Variants in CALN1 observed in about 807,000 individuals in gnomAD.
The protein encoded by CALN1 is calneuron 1, also known as calcium-binding protein 8.
A neutral mutation model predicts 30.6 loss-of-function variants in CALN1; 17 were observed. The observed-to-expected ratio is 0.56, with a 90% CI of 0.38 to 0.83. The LOEUF (loss-of-function observed/expected upper bound fraction) is 0.83, where lower values mean the gene tolerates loss of function less well. CALN1 is among the 40% of genes least tolerant of loss of function. The pLI is 0.00. For missense variants in CALN1, 291 were observed against 354.9 expected (o/e 0.82, Z 1.45); for synonymous variants, 156 against 131.4 (o/e 1.19, Z -1.28).
intron 1 of CALN1, among the ~76,000 whole-genome samples, chr7:72,430,174 T>C (rs1363788883): frequency 6.7e-6 from 1 of 149,036 alleles, no homozygotes; most frequent in Non-Finnish European, 1.5e-5. Context: ...TATATAATCG[T>C]ATATTTATAC....
intron 2 of CALN1, among the ~76,000 whole-genome samples, chr7:72,390,220 G>A (rs1043515284): frequency 6.6e-6 from 1 of 151,986 alleles, no homozygotes; most frequent in Non-Finnish European, 1.5e-5. Context: ...CATGAGGTCA[G>A]GAGTCCCAGA....
At chr7:72,467,645 G>A in the CALN1 span, among the ~76,000 whole-genome samples, 5 of 152,138 alleles carry the variant, frequency 3.3e-5, no homozygotes, top group South Asian at 1.0e-3. Context: ...CCATAGCCCC[G>A]ACCCAACCCC....
intron 5 of CALN1, among the ~76,000 whole-genome samples, chr7:71,879,601 G>C (rs1487664617): frequency 6.6e-6 from 1 of 152,190 alleles, no homozygotes; most frequent in Non-Finnish European, 1.5e-5. Context: ...CTGTCTGGCA[G>C]ACCAGTTTTT....
chr7:72,104,291 T>C (rs1418511547), intron 4 of CALN1: 2 of 152,186 alleles, frequency 1.3e-5, no homozygotes, highest in Non-Finnish European at 2.9e-5. Flanking sequence ...TCAGACAACG[T>C]AGAAAAGTGG....
At chr7:72,113,507 AGACTATGACAG>A (rs1331581473) in intron 3 of CALN1, among the ~76,000 whole-genome samples, 2 of 152,244 alleles carry the variant, frequency 1.3e-5, no homozygotes, top group Non-Finnish European at 2.9e-5. Flanking sequence ...AACACAAAAC[AGACTATGACAG>A]GCAATATTGC....
At chr7:72,171,958 C>T (rs936662581) in intron 3 of CALN1, among the ~76,000 whole-genome samples, 3 of 152,104 alleles carry the variant, frequency 2.0e-5, no homozygotes, top group African/African-American at 7.2e-5. Context: ...GGTCATGTAG[C>T]GATCAAGTAG....
intron 5 of CALN1, among the ~76,000 whole-genome samples, chr7:71,931,693 G>C (rs1287331521): frequency 2.0e-5 from 3 of 152,222 alleles, no homozygotes; most frequent in African/African-American, 7.2e-5. Context: ...CGTTGCTACT[G>C]AGGGATACAG....
At chr7:71,999,807 C>A (rs997469953) in intron 5 of CALN1, among the ~76,000 whole-genome samples, 1 of 152,034 alleles carries the variant, frequency 6.6e-6, no homozygotes, top group Non-Finnish European at 1.5e-5. Context: ...GACACTGTGC[C>A]CAGCCATATG....
the CALN1 span, among the ~76,000 whole-genome samples, chr7:72,476,356 G>A: frequency 6.6e-6 from 1 of 152,086 alleles, no homozygotes; most frequent in Non-Finnish European, 1.5e-5. Flanking sequence ...TAAACTGTGA[G>A]TCCATTAAAC....
At chr7:72,192,371 T>C (rs1790669272) in intron 3 of CALN1, among the ~76,000 whole-genome samples, 1 of 152,122 alleles carries the variant, frequency 6.6e-6, no homozygotes. Context: ...AGTAATATAT[T>C]CACAGGTTCT....
upstream of CALN1, among the ~76,000 whole-genome samples, chr7:72,416,244 A>C (rs1807414595): frequency 6.6e-6 from 1 of 152,228 alleles, no homozygotes; most frequent in East Asian, 1.9e-4. Flanking sequence ...ATTTCTGAAT[A>C]GCCTGCTCCT....
chr7:72,336,892 T>TCCCTCGGCG (rs1385693761), intron 2 of CALN1: 1 of 983,778 alleles, frequency 1.0e-6, no homozygotes, highest in African/African-American at 1.8e-5. Context: ...TGCCGCCGGC[T>TCCCTCGGCG]CCCTCGGCGC....
Position 72,093,385 on chromosome 7 carries a change from ACTCG to A in CALN1, c.388+12762_388+12765del, listed in dbSNP as rs1176858732. On this transcript the variant is annotated intron_variant, in intron 4 of 6. Transcript: ENST00000395275. ...TTCTGCATTGAAGATGGCACCGTAC[ACTCG>A]TACCAGGGAGAAAACAAACTTCCCA... 7.9e-5 allele frequency among the ~76,000 whole-genome samples: 12 copies of A among 152,228 alleles called. No individual in the cohort carries two copies. In the South Asian group the frequency reaches 2.5e-3, roughly 32 times the overall value.
chr7:72,292,252 C>T (rs978660294), intron 2 of CALN1, among the ~76,000 whole-genome samples: 7 of 151,838 alleles, frequency 4.6e-5, no homozygotes, highest in African/African-American at 7.3e-5. Context: ...AATCAGGGTG[C>T]CAGCTTGATC....
the CALN1 span, among the ~76,000 whole-genome samples, chr7:72,457,844 C>T: frequency 0.24 from 36,657 of 150,556 alleles, 5,666 homozygotes; most frequent in African/African-American, 0.42. Context: ...CAGCCTCGAC[C>T]TCTCAGGCTC....
At chr7:72,162,697 C>G (rs922446810) in intron 3 of CALN1, among the ~76,000 whole-genome samples, 3 of 152,090 alleles carry the variant, frequency 2.0e-5, no homozygotes, top group African/African-American at 7.2e-5. Context: ...CAAGATCATG[C>G]CACTATACTC....
chr7:72,360,911 G>C (rs1803533393), intron 2 of CALN1, among the ~76,000 whole-genome samples: 1 of 151,600 alleles, frequency 6.6e-6, no homozygotes, highest in African/African-American at 2.4e-5. Flanking sequence ...GTTTTTATTA[G>C]AGACAGGGTT....
chr7:72,275,506 C>T (rs1003207886), intron 3 of CALN1, among the ~76,000 whole-genome samples: 1 of 152,204 alleles, frequency 6.6e-6, no homozygotes, highest in Admixed American at 6.5e-5. Context: ...ACAGTCATAA[C>T]TCAGTGTTCG....
At chr7:72,194,815 C>G (rs899453023) in intron 3 of CALN1, among the ~76,000 whole-genome samples, 3 of 151,904 alleles carry the variant, frequency 2.0e-5, no homozygotes, top group Non-Finnish European at 4.4e-5. Context: ...TGGTCTCAAT[C>G]TCTTGACCTC....
Sources: allele counts gnomAD v4.1 joint callset (sites outside exome capture counted in the v4.1 genomes callset), GRCh38; gene constraint gnomAD v4.1.1; transcripts MANE v1.5; gene names NCBI Gene and HGNC (gene_info 2026-07-23, HGNC 2026-07-21).